Variants in DCC observed in about 807,000 individuals in gnomAD.
The protein encoded by DCC is DCC netrin 1 receptor, also known as netrin receptor DCC.
A neutral mutation model predicts 172.5 loss-of-function variants in DCC; 58 were observed. That is an observed-to-expected ratio of 0.34 (90% CI 0.27 to 0.42). The LOEUF (loss-of-function observed/expected upper bound fraction) is 0.42. Among genes scored for constraint, DCC ranks in the 10% least tolerant of loss-of-function variants. The pLI, the probability that DCC is intolerant of heterozygous loss-of-function variation, is 1.00. For synonymous variants in DCC, 709 were observed against 644.5 expected, an observed-to-expected ratio of 1.10 and a Z score of -1.52; for missense variants, 1,740 against 1,791.0, an observed-to-expected ratio of 0.97 and a Z score of 0.51.
intron 2 of DCC, among the ~76,000 whole-genome samples, chr18:52,865,951 T>TGAGTC (rs66788583): frequency 0.55 from 84,048 of 152,070 alleles, 23,749 homozygotes; most frequent in East Asian, 0.79. Flanking sequence ...TTTTGGTGGT[T>TGAGTC]ATGAAGTCTT....
rs1293788120 is a variant in DCC, at chr18:52,788,120, GATTA to G, written c.412+35750_412+35753del. Reference sequence around the variant, plus strand: ...AGTTAATGTTTACACATTTTTGCAAGATTAATTTTTACAATCTTTTCACAACTTA... The same window carrying G: ...AGTTAATGTTTACACATTTTTGCAAGATTTTTACAATCTTTTCACAACTTA... On this transcript the variant is annotated intron_variant, in intron 2 of 28. Transcript: ENST00000442544. 4.6e-5 allele frequency among the ~76,000 whole-genome samples: 7 copies of G among 152,208 alleles called. No homozygotes were observed. In the East Asian group the frequency reaches 1.2e-3, roughly 25 times the overall value.
chr18:52,807,051 T>A (rs1048268790), intron 2 of DCC, among the ~76,000 whole-genome samples: 4 of 152,140 alleles, frequency 2.6e-5, no homozygotes, highest in Non-Finnish European at 5.9e-5. Context: ...ATTAGTTAGC[T>A]GGGCTTGGTG....
intron 2 of DCC, among the ~76,000 whole-genome samples, chr18:52,879,487 G>T (rs529792007): frequency 1.4e-5 from 2 of 137,972 alleles, no homozygotes; most frequent in African/African-American, 5.5e-5. Context: ...GCAGTGGCAC[G>T]ATCTCGGCTC....
At chr18:53,133,906 T>G (rs1223192652) in intron 7 of DCC, among the ~76,000 whole-genome samples, 1 of 152,184 alleles carries the variant, frequency 6.6e-6, no homozygotes, top group Non-Finnish European at 1.5e-5. Context: ...GTTTAGATGT[T>G]GGAATTAAGA....
intron 1 of DCC, among the ~76,000 whole-genome samples, chr18:52,532,195 T>C (rs2032169871): frequency 6.6e-6 from 1 of 152,162 alleles, no homozygotes; most frequent in East Asian, 1.9e-4. Flanking sequence ...TCTTCTATTA[T>C]AGGAATAAAA....
intron 5 of DCC, among the ~76,000 whole-genome samples, chr18:53,061,355 T>C (rs1406940649): frequency 6.6e-6 from 1 of 152,126 alleles, no homozygotes; most frequent in African/African-American, 2.4e-5. Flanking sequence ...TGTGTGTGTT[T>C]GTATACATAC....
At chr18:53,021,500 G>C (rs1332202635) in intron 5 of DCC, among the ~76,000 whole-genome samples, 1 of 152,094 alleles carries the variant, frequency 6.6e-6, no homozygotes, top group Non-Finnish European at 1.5e-5. Flanking sequence ...ACCTCTTCTA[G>C]CATCCTCTGA....
intron 5 of DCC, among the ~76,000 whole-genome samples, chr18:52,956,096 T>C (rs1369666823): frequency 1.3e-5 from 2 of 152,038 alleles, no homozygotes; most frequent in African/African-American, 4.8e-5. Context: ...ATGATCTCTT[T>C]CATGGATTTT....
At chr18:52,812,626 A>G (rs991061196) in intron 2 of DCC, among the ~76,000 whole-genome samples, 2 of 152,246 alleles carry the variant, frequency 1.3e-5, no homozygotes. Context: ...AACTCAGAAT[A>G]GATACTATTT....
chr18:53,327,520 C>T (rs750710812), intron 14 of DCC, among the ~76,000 whole-genome samples: 7 of 152,050 alleles, frequency 4.6e-5, no homozygotes, highest in Non-Finnish European at 8.8e-5. Flanking sequence ...GATTTAAAAT[C>T]GACTCTCTAC....
chr18:53,503,553 G>A (rs986549683), intron 27 of DCC, among the ~76,000 whole-genome samples: 1 of 152,202 alleles, frequency 6.6e-6, no homozygotes, highest in African/African-American at 2.4e-5. Context: ...AATAGAAAAT[G>A]TTTGATAGAG....
chr18:52,626,641 A>G (rs1408812045), intron 1 of DCC, among the ~76,000 whole-genome samples: 1 of 152,174 alleles, frequency 6.6e-6, no homozygotes, highest in Non-Finnish European at 1.5e-5. Context: ...TTCCCAGAAA[A>G]ATACAGTTAG....
intron 1 of DCC, among the ~76,000 whole-genome samples, chr18:52,557,261 G>A (rs893573030): frequency 2.6e-5 from 4 of 152,268 alleles, no homozygotes; most frequent in South Asian, 4.1e-4. Flanking sequence ...AAAGGATAGC[G>A]CCTAGGGTTT....
intron 5 of DCC, among the ~76,000 whole-genome samples, chr18:52,970,020 T>C (rs1295818769): frequency 7.5e-6 from 1 of 132,838 alleles, no homozygotes; most frequent in Admixed American, 7.5e-5. Flanking sequence ...ATTTGACACA[T>C]AATATTTAAA....
chr18:53,379,719 C>T (rs552779337), intron 15 of DCC, among the ~76,000 whole-genome samples: 4 of 152,306 alleles, frequency 2.6e-5, no homozygotes, highest in South Asian at 2.1e-4. Context: ...CAAGAGCCAT[C>T]TATTTTGGAT....
intron 7 of DCC, among the ~76,000 whole-genome samples, chr18:53,103,274 G>T (rs555087804): frequency 6.6e-6 from 1 of 152,204 alleles, no homozygotes; most frequent in Admixed American, 6.5e-5. Flanking sequence ...TCTGTGCAGT[G>T]CATGGTAGCA....
At chr18:52,832,354 T>C (rs1476499240) in intron 2 of DCC, among the ~76,000 whole-genome samples, 2 of 152,134 alleles carry the variant, frequency 1.3e-5, no homozygotes, top group Non-Finnish European at 2.9e-5. Context: ...ATGAGAACTC[T>C]ATTGTGGGGG....
chr18:52,859,604 G>T (rs978918875), intron 2 of DCC, among the ~76,000 whole-genome samples: 3 of 152,144 alleles, frequency 2.0e-5, no homozygotes, highest in African/African-American at 7.2e-5. Flanking sequence ...GTTTCTTTAA[G>T]ACCTTTAAAG....
chr18:53,504,696 T>C (rs1004691102), intron 27 of DCC, among the ~76,000 whole-genome samples: 4 of 152,220 alleles, frequency 2.6e-5, no homozygotes, highest in Non-Finnish European at 5.9e-5. Context: ...AAATTAGTAT[T>C]TCCTCTGAGG....
Sources: gnomAD v4.1 joint callset for allele counts (sites outside exome capture counted in the v4.1 genomes callset) on GRCh38, gnomAD v4.1.1 for gene constraint, MANE v1.5 for transcripts, NCBI Gene and HGNC (gene_info 2026-07-23, HGNC 2026-07-21) for gene names.